ARFIP1: variants seen among roughly 807,000 people sequenced by gnomAD.
The protein encoded by ARFIP1 is ARF interacting protein 1, also known as arfaptin-1.
Under a neutral mutation model 42.5 loss-of-function variants are expected in ARFIP1, and 24 were observed. That is an observed-to-expected ratio of 0.57 (90% CI 0.41 to 0.80). The LOEUF (loss-of-function observed/expected upper bound fraction) is 0.80, where lower values mean the gene tolerates loss of function less well. Among genes scored for constraint, ARFIP1 ranks in the 30% least tolerant of loss-of-function variants. ARFIP1 has a pLI of 0.00. For missense variants in ARFIP1, 354 were observed against 434.0 expected (o/e 0.82, Z 1.64); for synonymous variants, 141 against 153.7 (o/e 0.92, Z 0.61).
intron 6 of ARFIP1, among the ~76,000 whole-genome samples, chr4:152,882,300 A>C (rs555967218): frequency 9.7e-6 from 1 of 103,614 alleles, no homozygotes; most frequent in South Asian, 3.0e-4. Context: ...TCAAAACACA[A>C]AAAAAATGCA....
rs1412287141 is a variant in ARFIP1 at position 152,889,679 on chromosome 4, A to C, written c.966+1372A>C. On this transcript the variant is annotated intron_variant, in intron 8 of 8. Transcript: ENST00000353617. ...GTATATATACACTAATATATACTAT[A>C]TAATATATATATGCACTATATATAG... Among the ~76,000 whole-genome samples the C allele has an allele frequency of 2.3e-5, 3 of 130,068 alleles. No homozygotes were observed. The East Asian group carries it at 6.2e-4, about 27-fold the overall frequency. The allele number at this position is 130,068 out of a possible 152,430, so 85.3% of individuals were successfully genotyped here.
intron 8 of ARFIP1, among the ~76,000 whole-genome samples, chr4:152,909,291 A>G (rs892143736): frequency 5.9e-5 from 9 of 152,200 alleles, no homozygotes; most frequent in African/African-American, 9.7e-5. Context: ...AGGCCAAGAC[A>G]TGAGAATCAC....
At chr4:152,794,573 G>T (rs1378197452) in intron 1 of ARFIP1, among the ~76,000 whole-genome samples, 2 of 152,096 alleles carry the variant, frequency 1.3e-5, no homozygotes, top group South Asian at 2.1e-4. Flanking sequence ...TTTTTAGTTG[G>T]TAAGTATCTT....
chr4:152,853,077 C>T (rs2149867894), intron 2 of ARFIP1, among the ~76,000 whole-genome samples: 1 of 152,296 alleles, frequency 6.6e-6, no homozygotes, highest in East Asian at 1.9e-4. Context: ...CAGTTGTCTC[C>T]ATTTGCATTT....
chr4:152,869,497 T>G (rs1734693488), intron 3 of ARFIP1, among the ~76,000 whole-genome samples: 1 of 151,888 alleles, frequency 6.6e-6, no homozygotes, highest in Non-Finnish European at 1.5e-5. Flanking sequence ...TCACTCAGGT[T>G]GGAGTGCAGT....
intron 2 of ARFIP1, among the ~76,000 whole-genome samples, chr4:152,840,269 G>T (rs1028326653): frequency 6.6e-6 from 1 of 152,186 alleles, no homozygotes; most frequent in Non-Finnish European, 1.5e-5. Context: ...AAGTCCATTT[G>T]TTCCAAGGTA....
intron 1 of ARFIP1, among the ~76,000 whole-genome samples, chr4:152,818,907 C>G (rs2149838039): frequency 6.6e-6 from 1 of 152,286 alleles, no homozygotes; most frequent in African/African-American, 2.4e-5. Flanking sequence ...GCGCTTCTCC[C>G]TGGAACATTA....
At chr4:152,801,870 A>G (rs1271343355) in intron 1 of ARFIP1, among the ~76,000 whole-genome samples, 2 of 152,188 alleles carry the variant, frequency 1.3e-5, no homozygotes, top group East Asian at 3.8e-4. Context: ...AGGTGAGGTT[A>G]AAAATCTCAT....
Position 152,790,014 on chromosome 4 carries a change from G to A in ARFIP1, c.-10+9788G>A, listed in dbSNP as rs1346524144. On this transcript the variant is annotated intron_variant, in intron 1 of 8. Coordinates refer to ENST00000353617, the MANE Select transcript of ARFIP1 (RefSeq NM_001025595.3). ...GGCACTATGTTTGCTCATTGCTGTT[G>A]GAATGTCATTGCTTCTAGGCCCTCC... 2.0e-5 allele frequency among the ~76,000 whole-genome samples: 3 copies of A among 152,092 alleles called. No homozygotes were observed. In the East Asian group the frequency reaches 5.8e-4, roughly 29 times the overall value.
chr4:152,909,366 C>A (rs1381382067), intron 8 of ARFIP1, among the ~76,000 whole-genome samples: 1 of 152,158 alleles, frequency 6.6e-6, no homozygotes, highest in Non-Finnish European at 1.5e-5. Context: ...GCCTGGGTGA[C>A]AGAGCAAGAC....
intron 7 of ARFIP1, among the ~76,000 whole-genome samples, chr4:152,885,751 T>C (rs1736208832): frequency 6.6e-6 from 1 of 152,058 alleles, no homozygotes; most frequent in Non-Finnish European, 1.5e-5. Flanking sequence ...TATTTGTCCT[T>C]AGATTAAATC....
At chr4:152,889,808 A>G (rs1579017407) in intron 8 of ARFIP1, among the ~76,000 whole-genome samples, 2 of 114,596 alleles carry the variant, frequency 1.7e-5, no homozygotes, top group Admixed American at 2.1e-4. Context: ...TATACTATAT[A>G]CTATATATAT....
chr4:152,858,612 T>C (rs1332845577), intron 2 of ARFIP1, among the ~76,000 whole-genome samples: 16 of 152,222 alleles, frequency 1.1e-4, no homozygotes, highest in Admixed American at 3.9e-4. Context: ...TCATAAATCC[T>C]TTAGTTCATT....
intron 8 of ARFIP1, among the ~76,000 whole-genome samples, chr4:152,908,143 C>T (rs546789346): frequency 6.6e-6 from 1 of 152,304 alleles, no homozygotes; most frequent in Non-Finnish European, 1.5e-5. Flanking sequence ...CCTGTTTCCT[C>T]CTCTGTGAAA....
At chr4:152,791,691 A>C (rs1731151839) in intron 1 of ARFIP1, among the ~76,000 whole-genome samples, 1 of 152,160 alleles carries the variant, frequency 6.6e-6, no homozygotes, top group Non-Finnish European at 1.5e-5. Flanking sequence ...TTTCCTCTTC[A>C]GACCTCAGGG....
At position 152,823,001 on chromosome 4, in the gene ARFIP1, A is replaced by G. The variant is rs531602299; in HGVS notation, c.-9-6624A>G. Among the ~76,000 whole-genome samples the G allele has an allele frequency of 3.9e-5, 6 of 152,354 alleles. No homozygotes were observed. The South Asian group carries it at 1.2e-3, about 32-fold the overall frequency. ...CATCACACCTCAAGGAACTAGAGAA[A>G]CAAGAACAAATCAAACCCAAAGCTA... On this transcript the variant is annotated intron_variant, in intron 1 of 8. Coordinates refer to ENST00000353617, the MANE Select transcript of ARFIP1 (RefSeq NM_001025595.3).
At chr4:152,892,519 G>C (rs1432415248) in intron 8 of ARFIP1, among the ~76,000 whole-genome samples, 1 of 152,184 alleles carries the variant, frequency 6.6e-6, no homozygotes, top group Non-Finnish European at 1.5e-5. Context: ...TTAGCATTTA[G>C]TGTTTTTCTT....
intron 8 of ARFIP1, among the ~76,000 whole-genome samples, chr4:152,897,954 A>G (rs1047548579): frequency 2.2e-4 from 33 of 150,376 alleles, no homozygotes; most frequent in African/African-American, 7.6e-4. Context: ...AGACACTAGC[A>G]GTGTTTAAGA....
intron 2 of ARFIP1, among the ~76,000 whole-genome samples, chr4:152,848,227 G>A (rs1732717114): frequency 6.6e-6 from 1 of 152,202 alleles, no homozygotes; most frequent in Non-Finnish European, 1.5e-5. Flanking sequence ...TAACTGCAGT[G>A]AGTGCAAGAG....
Sources: allele counts gnomAD v4.1 joint callset (sites outside exome capture counted in the v4.1 genomes callset), GRCh38; gene constraint gnomAD v4.1.1; transcripts MANE v1.5; gene names NCBI Gene and HGNC (gene_info 2026-07-23, HGNC 2026-07-21).